SLCO1B1: variants seen among roughly 807,000 people sequenced by gnomAD.
SLCO1B1 encodes the protein solute carrier organic anion transporter family member 1B1, also known as OATP-2.
In SLCO1B1, 81 loss-of-function variants were observed where a neutral mutation model predicts 70.1. The ratio of observed to expected loss-of-function variants is 1.16; its 90% CI spans 0.97 to 1.39. The LOEUF (loss-of-function observed/expected upper bound fraction) is 1.39, where lower values mean the gene tolerates loss of function less well. SLCO1B1 is among the 40% of genes most tolerant of loss of function. SLCO1B1 has a pLI of 0.00. For synonymous variants in SLCO1B1, 283 were observed against 271.5 expected (o/e 1.04, Z -0.42); for missense variants, 895 against 799.6 (o/e 1.12, Z -1.44).
At chr12:21,215,326 G>A (rs1004394685) in intron 11 of SLCO1B1, among the ~76,000 whole-genome samples, 3 of 152,106 alleles carry the variant, frequency 2.0e-5, no homozygotes, top group African/African-American at 7.2e-5. Context: ...ATCATAGATG[G>A]CTCTTATTAT....
intron 2 of SLCO1B1, among the ~76,000 whole-genome samples, chr12:21,163,003 A>G (rs1419656405): frequency 1.3e-5 from 2 of 152,124 alleles, no homozygotes; most frequent in Admixed American, 1.3e-4. Context: ...TATTTTTCAA[A>G]AGCTGTATTT....
chr12:21,237,533 G>A (rs1941607556), intron 14 of SLCO1B1, among the ~76,000 whole-genome samples: 1 of 151,928 alleles, frequency 6.6e-6, no homozygotes, highest in Admixed American at 6.6e-5. Flanking sequence ...TTGACTTTCT[G>A]TAATTTGAAA....
chr12:21,231,634 T>C (rs1941539601), intron 14 of SLCO1B1, among the ~76,000 whole-genome samples: 1 of 151,980 alleles, frequency 6.6e-6, no homozygotes, highest in African/African-American at 2.4e-5. Flanking sequence ...GTCTTGTATA[T>C]AGATATATAC....
chr12:21,150,102 C>T (rs943400661), intron 2 of SLCO1B1, among the ~76,000 whole-genome samples: 1 of 152,154 alleles, frequency 6.6e-6, no homozygotes, highest in African/African-American at 2.4e-5. Flanking sequence ...GTGGAGCCCA[C>T]CGCAGCTCCA....
chr12:21,147,845 C>T (rs1366766046), intron 2 of SLCO1B1, among the ~76,000 whole-genome samples: 1 of 152,132 alleles, frequency 6.6e-6, no homozygotes, highest in Non-Finnish European at 1.5e-5. Flanking sequence ...AAAAGCATTC[C>T]TATTTCTCCA....
At chr12:21,147,357 AAC>A (rs1482989773) in intron 2 of SLCO1B1, among the ~76,000 whole-genome samples, 1 of 152,036 alleles carries the variant, frequency 6.6e-6, no homozygotes, top group African/African-American at 2.4e-5. Flanking sequence ...TACATAGGTA[AAC>A]ACATGCCATG....
rs565236635 is a variant in SLCO1B1 at position 21,237,735 on chromosome 12, G to A, written c.1866-1244G>A. ...TTCTTAGTAATTTTTTTTTTTTTGA[G>A]ATGGAGTCTCACTCTGTTGCCCAGG... On this transcript the variant is annotated intron_variant, in intron 14 of 14. Transcript: ENST00000256958. 2.9e-3 allele frequency among the ~76,000 whole-genome samples: 421 copies of A among 145,148 alleles called. 1 individual carries two copies. The highest frequency in any genetic ancestry group is 0.01 in the African/African-American group (412 of 39,508).
intron 11 of SLCO1B1, among the ~76,000 whole-genome samples, chr12:21,211,518 T>G (rs948609669): frequency 8.5e-5 from 13 of 152,256 alleles, no homozygotes; most frequent in African/African-American, 2.9e-4. Context: ...TGGTCTAAGA[T>G]TCTCTTTTTT....
At position 21,178,503 on chromosome 12, in the gene SLCO1B1, T is replaced by C. The variant is rs527424621; in HGVS notation, c.482-73T>C. 9.3e-6 allele frequency: 10 copies of C among 1,074,764 alleles called. No homozygotes were observed. The African/African-American group carries it at 1.4e-4, about 15-fold the overall frequency. 66.6% of individuals were successfully genotyped at this position (1,074,764 alleles called of 1,614,324 possible). A position where few individuals can be genotyped will look rare whatever the true frequency, so the allele number is the denominator to read the frequency against. ...AAAAATAAGTAGAATAATTAAGAGT[T>C]TACAAGTAGTTAAATTTGTAATAGA... On this transcript the variant is annotated intron_variant, in intron 5 of 14. Transcript: ENST00000256958.
At chr12:21,180,494 A>T (rs542877067) in intron 7 of SLCO1B1, among the ~76,000 whole-genome samples, 1 of 152,170 alleles carries the variant, frequency 6.6e-6, no homozygotes, top group East Asian at 1.9e-4. Flanking sequence ...ACAGAATGGC[A>T]TGTTCTTAGC....
intron 1 of SLCO1B1, among the ~76,000 whole-genome samples, chr12:21,140,922 T>A (rs989181800): frequency 6.6e-6 from 1 of 151,892 alleles, no homozygotes; most frequent in Admixed American, 6.6e-5. Flanking sequence ...AACATCATGA[T>A]GGTGGTAAGG....
chr12:21,176,697 A>G, intron 4 of SLCO1B1, 79 bp from the exon 5 acceptor site: 2 of 1,123,116 alleles, frequency 1.8e-6, no homozygotes, highest in Non-Finnish European at 2.7e-6. Flanking sequence ...AATAAAGGGG[A>G]ATATTTCTCT....
At chr12:21,216,365 C>G (rs1941357697) in intron 11 of SLCO1B1, among the ~76,000 whole-genome samples, 1 of 152,060 alleles carries the variant, frequency 6.6e-6, no homozygotes, top group African/African-American at 2.4e-5. Context: ...AATAATTGAT[C>G]TTTAGCATTA....
At chr12:21,141,702 G>A in intron 2 of SLCO1B1, 44 bp downstream of exon 2, 2 of 1,202,246 alleles carry the variant, frequency 1.7e-6, no homozygotes, top group Non-Finnish European at 2.5e-6. Context: ...AGTAAATAGG[G>A]AACTTTAATG....
intron 11 of SLCO1B1, among the ~76,000 whole-genome samples, chr12:21,212,453 T>C (rs1852095668): frequency 7.0e-6 from 1 of 143,612 alleles, no homozygotes; most frequent in African/African-American, 2.6e-5. Context: ...TTCTGTTCTT[T>C]TCCATTTGCT....
intron 7 of SLCO1B1, among the ~76,000 whole-genome samples, chr12:21,195,290 T>C (rs1293445673): frequency 6.6e-6 from 1 of 152,194 alleles, no homozygotes; most frequent in East Asian, 1.9e-4. Flanking sequence ...TAGGGTCTCA[T>C]GAGCACTTTT....
At chr12:21,166,912 T>C (rs1391495242) in intron 2 of SLCO1B1, among the ~76,000 whole-genome samples, 6 of 152,130 alleles carry the variant, frequency 3.9e-5, no homozygotes, top group African/African-American at 1.4e-4. Flanking sequence ...AATATGAGAA[T>C]AGGTAAAGCG....
chr12:21,139,423 C>A (rs923416345), intron 1 of SLCO1B1, among the ~76,000 whole-genome samples: 2 of 152,080 alleles, frequency 1.3e-5, no homozygotes, highest in East Asian at 3.8e-4. Context: ...TAGAGGTACA[C>A]ATGTATGGGT....
intron 2 of SLCO1B1, chr12:21,164,727 A>C (rs1485694351): frequency 4.5e-6 from 2 of 440,382 alleles, no homozygotes; most frequent in Non-Finnish European, 9.0e-6. Flanking sequence ...TTTTGTTTTA[A>C]GTATTTTGTG....
Sources: gnomAD v4.1 joint callset for allele counts (sites outside exome capture counted in the v4.1 genomes callset) on GRCh38, gnomAD v4.1.1 for gene constraint, MANE v1.5 for transcripts, NCBI Gene and HGNC (gene_info 2026-07-23, HGNC 2026-07-21) for gene names.